PAK5: variants seen among roughly 807,000 people sequenced by gnomAD.
PAK5 encodes the protein serine/threonine-protein kinase PAK 5.
In PAK5, 16 loss-of-function variants were observed where a neutral mutation model predicts 65.9. That is an observed-to-expected ratio of 0.24 (90% CI 0.16 to 0.37). PAK5 has a LOEUF of 0.37. Ranked by LOEUF, PAK5 falls within the 10% of genes least tolerant of loss-of-function variation. The pLI is 1.00. For missense variants in PAK5, 785 were observed against 903.9 expected, an observed-to-expected ratio of 0.87 and a Z score of 1.69; for synonymous variants, 371 against 354.9, an observed-to-expected ratio of 1.05 and a Z score of -0.51.
intron 2 of PAK5, among the ~76,000 whole-genome samples, chr20:9,650,969 G>A (rs529926356): frequency 1.3e-5 from 2 of 152,180 alleles, no homozygotes; most frequent in Non-Finnish European, 2.9e-5. Context: ...AAAAAAGCAA[G>A]ATGGGCATTC....
intron 2 of PAK5, among the ~76,000 whole-genome samples, chr20:9,672,451 A>G (rs538590806): frequency 6.6e-6 from 1 of 151,120 alleles, no homozygotes; most frequent in Non-Finnish European, 1.5e-5. Flanking sequence ...TAATTGAACC[A>G]TGGGGGTGGG....
intron 7 of PAK5, among the ~76,000 whole-genome samples, chr20:9,555,614 T>C (rs2045494090): frequency 6.6e-6 from 1 of 152,186 alleles, no homozygotes; most frequent in Non-Finnish European, 1.5e-5. Flanking sequence ...TTCTCATAGC[T>C]GTCCACTCAT....
intron 1 of PAK5, among the ~76,000 whole-genome samples, chr20:9,816,077 T>G (rs1054741046): frequency 6.6e-6 from 1 of 152,138 alleles, no homozygotes; most frequent in African/African-American, 2.4e-5. Flanking sequence ...GGGTCAGTAC[T>G]TCAGGGTTAT....
chr20:9,655,449 G>T (rs1462342599), intron 2 of PAK5, among the ~76,000 whole-genome samples: 1 of 148,948 alleles, frequency 6.7e-6, no homozygotes, highest in African/African-American at 2.5e-5. Flanking sequence ...GGGGTGTTAT[G>T]TTAAAAAAAA....
intron 1 of PAK5, among the ~76,000 whole-genome samples, chr20:9,803,664 A>C (rs967397254): frequency 6.6e-6 from 1 of 152,190 alleles, no homozygotes; most frequent in Non-Finnish European, 1.5e-5. Flanking sequence ...TGATGCAATT[A>C]TATATCTGCA....
chr20:9,770,083 T>C (rs1316510627), intron 1 of PAK5, among the ~76,000 whole-genome samples: 2 of 152,072 alleles, frequency 1.3e-5, no homozygotes, highest in Non-Finnish European at 2.9e-5. Flanking sequence ...CTTATGTGTA[T>C]GACACAGAAA....
chr20:9,695,737 T>A (rs1211630346), intron 2 of PAK5, among the ~76,000 whole-genome samples: 2 of 152,106 alleles, frequency 1.3e-5, no homozygotes, highest in Admixed American at 1.3e-4. Context: ...AAGGATACTG[T>A]TGAGAAGCTA....
chr20:9,809,789 T>G (rs1366173543), intron 1 of PAK5, among the ~76,000 whole-genome samples: 1 of 152,188 alleles, frequency 6.6e-6, no homozygotes, highest in Non-Finnish European at 1.5e-5. Context: ...GCTTATGAAC[T>G]ACCTAACATA....
At chr20:9,541,720 T>C (rs967129298) in intron 9 of PAK5, among the ~76,000 whole-genome samples, 3 of 152,168 alleles carry the variant, frequency 2.0e-5, no homozygotes, top group Non-Finnish European at 2.9e-5. Flanking sequence ...TGGCTCTCTG[T>C]GCCCACTCAA....
chr20:9,793,048 A>C (rs1171997830), intron 1 of PAK5, among the ~76,000 whole-genome samples: 1 of 152,154 alleles, frequency 6.6e-6, no homozygotes, highest in Non-Finnish European at 1.5e-5. Context: ...CGACTCATCA[A>C]TTGCACAGCC....
intron 7 of PAK5, among the ~76,000 whole-genome samples, chr20:9,550,732 GT>G (rs1345537126): frequency 1.8e-3 from 3 of 1,670 alleles, no homozygotes; most frequent in Admixed American, 0.015. Flanking sequence ...CATAATTGTG[GT>G]GTGTGTGTGT....
chr20:9,792,953 A>G (rs975231031), intron 1 of PAK5, among the ~76,000 whole-genome samples: 2 of 152,150 alleles, frequency 1.3e-5, no homozygotes, highest in Non-Finnish European at 2.9e-5. Flanking sequence ...TTTAGAGAAA[A>G]GGGACTAAGT....
intron 1 of PAK5, among the ~76,000 whole-genome samples, chr20:9,719,996 C>G (rs1448502265): frequency 6.6e-6 from 1 of 152,170 alleles, no homozygotes; most frequent in Non-Finnish European, 1.5e-5. Flanking sequence ...ATTGTAATGT[C>G]TTTGGAGTGT....
chr20:9,765,371 T>C (rs1030974142), intron 1 of PAK5, among the ~76,000 whole-genome samples: 13 of 152,300 alleles, frequency 8.5e-5, no homozygotes, highest in African/African-American at 2.6e-4. Context: ...TTATTCATAG[T>C]AGTAACTCAA....
chr20:9,697,761 T>C (rs1240727498), intron 2 of PAK5, among the ~76,000 whole-genome samples: 1 of 152,140 alleles, frequency 6.6e-6, no homozygotes, highest in Non-Finnish European at 1.5e-5. Context: ...TGACTTATTT[T>C]AAAAAGGAAG....
At chr20:9,762,729 A>G (rs937688924) in intron 1 of PAK5, among the ~76,000 whole-genome samples, 6 of 152,194 alleles carry the variant, frequency 3.9e-5, no homozygotes, top group Admixed American at 2.0e-4. Flanking sequence ...AGAAATTAAA[A>G]ATAGAATTAT....
intron 1 of PAK5, chr20:9,818,802 T>G (rs2049386804): frequency 6.6e-6 from 1 of 152,032 alleles, no homozygotes. Flanking sequence ...CCAAACAAAA[T>G]GATAGCTGTA....
At chr20:9,655,591 G>T (rs954343310) in intron 2 of PAK5, among the ~76,000 whole-genome samples, 2 of 151,968 alleles carry the variant, frequency 1.3e-5, no homozygotes, top group Non-Finnish European at 2.9e-5. Flanking sequence ...TAACATTTAC[G>T]TTCTGGGGCT....
At chr20:9,687,309 A>G (rs758961999) in intron 2 of PAK5, among the ~76,000 whole-genome samples, 6 of 152,234 alleles carry the variant, frequency 3.9e-5, no homozygotes, top group Non-Finnish European at 7.3e-5. Context: ...TCTCATTTTT[A>G]GGAAGCTTGA....
Sources: allele counts gnomAD v4.1 joint callset (sites outside exome capture counted in the v4.1 genomes callset), GRCh38; gene constraint gnomAD v4.1.1; transcripts MANE v1.5; gene names NCBI Gene and HGNC (gene_info 2026-07-23, HGNC 2026-07-21).